SVEP1: variants seen among roughly 807,000 people sequenced by gnomAD.
SVEP1 encodes the protein sushi, von Willebrand factor type A, EGF and pentraxin domain containing 1, also known as sushi, von Willebrand factor type A, EGF and pentraxin domain-containing protein 1.
In SVEP1, 164 loss-of-function variants were observed where a neutral mutation model predicts 367.3. The ratio of observed to expected loss-of-function variants is 0.45; its 90% CI spans 0.39 to 0.51. SVEP1 has a LOEUF of 0.51. Ranked by LOEUF, SVEP1 falls within the 20% of genes least tolerant of loss-of-function variation. The pLI, the probability that SVEP1 is intolerant of heterozygous loss-of-function variation, is 0.00. For missense variants in SVEP1, 4,117 were observed against 4,425.3 expected (o/e 0.93, Z 1.98); for synonymous variants, 1,666 against 1,611.6 (o/e 1.03, Z -0.81).
chr9:110,410,822 G>C (rs1354824717), intron 37 of SVEP1, among the ~76,000 whole-genome samples: 4 of 152,152 alleles, frequency 2.6e-5, no homozygotes, highest in African/African-American at 9.7e-5. Context: ...TTGCTAATTA[G>C]TCTCTTACCT....
chr9:110,495,244 C>G (rs9657653), intron 8 of SVEP1, among the ~76,000 whole-genome samples: 4,011 of 152,168 alleles, frequency 0.026, 170 homozygotes, highest in African/African-American at 0.088. Flanking sequence ...AACGGCCCCC[C>G]CAAAGATCAT....
intron 45 of SVEP1, 97 bp from the exon 46 acceptor site, chr9:110,375,560 C>CATTTTGCAG (rs1827339911): frequency 8.9e-7 from 1 of 1,122,376 alleles, no homozygotes; most frequent in African/African-American, 1.6e-5. Context: ...GTTCAGAAAA[C>CATTTTGCAG]ATTTTGCAGG....
At chr9:110,553,474 G>A (rs971140259) in intron 1 of SVEP1, among the ~76,000 whole-genome samples, 3 of 152,176 alleles carry the variant, frequency 2.0e-5, no homozygotes, top group Non-Finnish European at 2.9e-5. Flanking sequence ...ATGAAACCCT[G>A]TGATATCTTG....
chr9:110,578,380 C>T (rs34800515), intron 1 of SVEP1, among the ~76,000 whole-genome samples: 29,743 of 143,470 alleles, frequency 0.21, 3,042 homozygotes, highest in East Asian at 0.31. Flanking sequence ...TTTTTTTCCT[C>T]TCCCTACTTT....
intron 3 of SVEP1, among the ~76,000 whole-genome samples, chr9:110,521,201 G>T (rs780003178): frequency 1.3e-5 from 2 of 152,160 alleles, no homozygotes; most frequent in Non-Finnish European, 2.9e-5. Context: ...AGGCAGCCAA[G>T]ATCCTTTCTA....
chr9:110,451,396 C>G lies in SVEP1; in HGVS notation c.3794G>C (p.Arg1265Pro). ...ACACTCATTTATATTTTCTTCACAC[C>G]GCTGACCTGCAAAGAATCATTCATC... ...CECPSGYTGQ[R>P]CEENINECSS... The change falls in exon 23 of 48, where the codon CGG (arginine) becomes CCG (proline). Residue 1265 changes from arginine (R) to proline (P), a missense_variant. This residue lies in a region of SVEP1 where 2,174 missense variants were observed against 2,494.3 expected (regional missense o/e 0.87). Coordinates refer to ENST00000374469, the MANE Select transcript of SVEP1 (RefSeq NM_153366.4). 6.2e-7 allele frequency: 1 copy of G among 1,611,742 alleles called. No homozygotes were observed. The highest frequency in any genetic ancestry group is 8.5e-7 in the Non-Finnish European group (1 of 1,178,532).
At chr9:110,440,334 C>T (rs928303202) in intron 27 of SVEP1, among the ~76,000 whole-genome samples, 1 of 152,202 alleles carries the variant, frequency 6.6e-6, no homozygotes, top group East Asian at 1.9e-4. Flanking sequence ...TCATGGCTCC[C>T]TGCCTCTGCA....
intron 3 of SVEP1, among the ~76,000 whole-genome samples, chr9:110,515,181 T>C (rs1038965867): frequency 1.3e-5 from 2 of 152,196 alleles, no homozygotes; most frequent in African/African-American, 4.8e-5. Flanking sequence ...ATAGAGCAAT[T>C]GTGGAATCAA....
At chr9:110,570,970 CTTTTTTTTT>C (rs374900472) in intron 1 of SVEP1, among the ~76,000 whole-genome samples, 9 of 114,928 alleles carry the variant, frequency 7.8e-5, no homozygotes, top group Non-Finnish European at 1.3e-4. Context: ...CAGATGGCTC[CTTTTTTTTT>C]TTTTTTTTTT....
Position 110,401,015 on chromosome 9 carries a change from T to C in SVEP1, c.9667-6A>G, listed in dbSNP as rs778471613. ...GGCTCCCAGGTTCCATCAAGCTAAG[T>C]GACAAATAACAAAATGTAAGTTATG... On this transcript the variant is annotated splice_region_variant and splice_polypyrimidine_tract_variant and intron_variant, in intron 39 of 47. Coordinates refer to ENST00000374469, the MANE Select transcript of SVEP1 (RefSeq NM_153366.4). 1 of 1,612,744 alleles carries C rather than the reference T, an allele frequency of 6.2e-7. No individual in the cohort carries two copies. The highest frequency in any genetic ancestry group is 8.5e-7 in the Non-Finnish European group (1 of 1,179,582).
intron 5 of SVEP1, among the ~76,000 whole-genome samples, chr9:110,512,466 G>T (rs182102720): frequency 1.3e-5 from 2 of 151,814 alleles, no homozygotes; most frequent in Non-Finnish European, 1.5e-5. Flanking sequence ...TTGGACTCTC[G>T]CTTTGACAAA....
chr9:110,404,889 G>A (rs963372166), intron 38 of SVEP1, among the ~76,000 whole-genome samples: 11 of 152,112 alleles, frequency 7.2e-5, no homozygotes, highest in African/African-American at 9.7e-5. Flanking sequence ...AGCTGGGCAC[G>A]GTGGCACATG....
chr9:110,473,758 T>A (rs13284096), intron 14 of SVEP1, among the ~76,000 whole-genome samples: 7,145 of 152,286 alleles, frequency 0.047, 199 homozygotes, highest in Non-Finnish European at 0.063. Context: ...TCTCAAAATT[T>A]ATGAAATGTA....
chr9:110,472,070 A>G, intron 15 of SVEP1, 89 bp downstream of exon 15: 1 of 1,299,462 alleles, frequency 7.7e-7, no homozygotes, highest in East Asian at 2.3e-5. Context: ...ATTTCCTAAT[A>G]ATGATAACAA....
chr9:110,399,519 T>C (rs1366524319), intron 40 of SVEP1, among the ~76,000 whole-genome samples: 1 of 151,910 alleles, frequency 6.6e-6, no homozygotes, highest in Non-Finnish European at 1.5e-5. Context: ...AAAAGAAAAC[T>C]GGTGATGAAT....
intron 22 of SVEP1, among the ~76,000 whole-genome samples, chr9:110,455,100 T>C (rs1195116821): frequency 6.6e-6 from 1 of 152,172 alleles, no homozygotes; most frequent in Non-Finnish European, 1.5e-5. Flanking sequence ...GCGCCTGAAG[T>C]CCACAGTTAG....
intron 8 of SVEP1, among the ~76,000 whole-genome samples, chr9:110,494,993 A>C (rs1829425013): frequency 6.6e-6 from 1 of 151,928 alleles, no homozygotes; most frequent in Admixed American, 6.6e-5. Flanking sequence ...TGGTCTGTTC[A>C]CTCTCCTTCT....
intron 2 of SVEP1, among the ~76,000 whole-genome samples, chr9:110,549,129 G>A (rs1830253351): frequency 6.6e-6 from 1 of 152,116 alleles, no homozygotes; most frequent in Non-Finnish European, 1.5e-5. Context: ...TCTGAGGCTA[G>A]ATTTCCTGTG....
intron 6 of SVEP1, among the ~76,000 whole-genome samples, chr9:110,500,295 C>G (rs950146165): frequency 6.6e-6 from 1 of 152,060 alleles, no homozygotes; most frequent in Non-Finnish European, 1.5e-5. Context: ...ATTTGTGGTT[C>G]GACGATAATG....
Sources: gnomAD v4.1 joint callset for allele counts (sites outside exome capture counted in the v4.1 genomes callset) on GRCh38, gnomAD v4.1.1 for gene constraint, gnomAD v4.1.1 regional missense constraint, MANE v1.5 for transcripts, NCBI Gene and HGNC (gene_info 2026-07-23, HGNC 2026-07-21) for gene names.